The following ERCC4 variants were observed in gnomAD, a reference collection of about 807,000 sequenced individuals.
ERCC4 encodes the protein ERCC excision repair 4, endonuclease catalytic subunit.
A neutral mutation model predicts 76.9 loss-of-function variants in ERCC4; 65 were observed. The ratio of observed to expected loss-of-function variants is 0.84; its 90% CI spans 0.69 to 1.04. ERCC4 has a LOEUF of 1.04. Ranked by LOEUF, ERCC4 falls within the 50% of genes least tolerant of loss-of-function variation. The probability of loss-of-function intolerance (pLI) is 0.00; values close to 1 mark genes in which losing one functional copy is unlikely to be tolerated. For synonymous variants in ERCC4, 463 were observed against 410.1 expected (o/e 1.13, Z -1.56); for missense variants, 1,214 against 1,128.2 (o/e 1.08, Z -1.09).
chr16:13,933,191 G>T (rs1414736911), intron 6 of ERCC4: 1 of 205,268 alleles, frequency 4.9e-6, no homozygotes, highest in Non-Finnish European at 1.0e-5. Flanking sequence ...CTATACTCCA[G>T]CCTGGGTGAC....
rs781261543 is a variant in ERCC4 at position 13,948,355 on chromosome 16, T to C, written c.*8T>C. 1.1e-5 allele frequency: 17 copies of C among 1,607,312 alleles called. No homozygotes were observed. In the Admixed American group the frequency reaches 1.8e-4, roughly 17 times the overall value. ...GGAAAAGGGAAAAAGTGAACAGTGA[T>C]GGCTGTTTTCTTATCCCATGCCTGT... On this transcript the variant is annotated 3_prime_UTR_variant, in exon 11 of 11. Transcript: ENST00000311895.
rs3136214 is a variant in ERCC4 at position 13,946,381 on chromosome 16, A to G, written c.2018-1233A>G. ...TATGGCTCCTGGGCCACAAACCTGC[A>G]CAGCATGTTACTGTACTGAATACTC... On this transcript the variant is annotated intron_variant, in intron 10 of 10. Coordinates refer to ENST00000311895, the MANE Select transcript of ERCC4 (RefSeq NM_005236.3). Among the ~76,000 whole-genome samples the G allele has an allele frequency of 1.8e-3, 279 of 152,342 alleles. 8 individuals carry two copies. The East Asian group carries it at 0.045, about 24-fold the overall frequency.
At chr16:13,947,058 G>T (rs1008342247) in intron 10 of ERCC4, among the ~76,000 whole-genome samples, 2 of 152,126 alleles carry the variant, frequency 1.3e-5, no homozygotes, top group Non-Finnish European at 2.9e-5. Context: ...CACCGCGCCC[G>T]GCCCGAATCT....
Position 13,948,616 on chromosome 16 carries a change from A to G in ERCC4, c.*269A>G, listed in dbSNP as rs2141621975. On this transcript the variant is annotated 3_prime_UTR_variant, in exon 11 of 11. Coordinates refer to ENST00000311895, the MANE Select transcript of ERCC4 (RefSeq NM_005236.3). ...AAATGAGGTTTGTCAGGATCAGGTA[A>G]AGTTCCTACAAGTGATTACAGAAGG... The G allele has an allele frequency of 2.2e-6, 1 of 464,936 alleles. No individual in the cohort carries two copies. The highest frequency in any genetic ancestry group is 3.9e-6 in the Non-Finnish European group (1 of 255,300). 28.8% of individuals were successfully genotyped at this position (464,936 alleles called of 1,614,324 possible).
In ERCC4 at chr16:13,935,439, G is replaced by C; in HGVS notation, c.1507G>C (p.Glu503Gln). ...AACTCAAATGGTAGGAAAACCTGAA[G>C]AACTGGAAGAGGAAGGAGATGTCGA... ...TLTQMVGKPE[E>Q]LEEEGDVEEG... The change falls in exon 8 of 11, where the codon GAA becomes CAA. Residue 503 changes from glutamate (E) to glutamine (Q), a missense_variant. Glu to Gln is a conservative substitution (Grantham distance 29, BLOSUM62 2). Coordinates refer to ENST00000311895, the MANE Select transcript of ERCC4 (RefSeq NM_005236.3). 6.2e-7 allele frequency: 1 copy of C among 1,614,034 alleles called. No individual in the cohort carries two copies. The highest frequency in any genetic ancestry group is 8.5e-7 in the Non-Finnish European group (1 of 1,180,006).
chr16:13,924,472 C>T (rs997032565), intron 2 of ERCC4, among the ~76,000 whole-genome samples: 8 of 150,994 alleles, frequency 5.3e-5, no homozygotes, highest in African/African-American at 1.9e-4. Flanking sequence ...AGTGCTGTGC[C>T]TCCACTTTAT....
rs972348812 is a variant in ERCC4 at position 13,921,405 on chromosome 16, T to G, written c.208-626T>G. On this transcript the variant is annotated intron_variant, in intron 1 of 10. Transcript: ENST00000311895. ...GACAAGTCTGATGATCCCCTAGATATATCAGGTGGCCGGGAGAAAAATGTC... is the reference window on the plus strand; with the variant it reads ...GACAAGTCTGATGATCCCCTAGATAGATCAGGTGGCCGGGAGAAAAATGTC... Among the ~76,000 whole-genome samples, 4 of 152,124 alleles carry G rather than the reference T, an allele frequency of 2.6e-5. No individual in the cohort carries two copies. The South Asian group carries it at 8.3e-4, about 32-fold the overall frequency.
rs1442941243 is a variant in ERCC4 at position 13,928,003 on chromosome 16, T to G, written c.585-25T>G. 11 of 1,570,104 alleles carry G rather than the reference T, an allele frequency of 7.0e-6. No homozygotes were observed. In the South Asian group the frequency reaches 1.1e-4, roughly 16 times the overall value. ...CATAGCTGCTGAAACTCTAGAAAAT[T>G]GTTGAAAAATATTTGTCTCTTTAGG... is the stretch of plus-strand genomic sequence containing the variant. On this transcript the variant is annotated intron_variant, in intron 3 of 10. Coordinates refer to ENST00000311895, the MANE Select transcript of ERCC4 (RefSeq NM_005236.3).
chr16:13,930,531 G>A (rs1223853977), intron 4 of ERCC4, 179 bp from the exon 5 acceptor site: 4 of 583,908 alleles, frequency 6.9e-6, no homozygotes, highest in Admixed American at 6.3e-5. Flanking sequence ...AAATGTTCTA[G>A]CCACTTCCTT....
chr16:13,940,597 C>G (rs1001014692), intron 9 of ERCC4, among the ~76,000 whole-genome samples: 1 of 152,186 alleles, frequency 6.6e-6, no homozygotes, highest in Non-Finnish European at 1.5e-5. Context: ...CACATTTTTA[C>G]TGAGCTGAGT....
chr16:13,927,844 CA>C, intron 3 of ERCC4, 183 bp from the exon 4 acceptor site: 1 of 593,000 alleles, frequency 1.7e-6, no homozygotes, highest in Non-Finnish European at 3.0e-6. Context: ...CTGAATAATA[CA>C]CTGCTTCTAT....
intron 5 of ERCC4, 193 bp from the exon 6 acceptor site, chr16:13,931,963 CT>C (rs1234320898): frequency 2.2e-5 from 13 of 602,870 alleles, no homozygotes; most frequent in Non-Finnish European, 3.8e-5. Flanking sequence ...TTGGGGGCCC[CT>C]GGGAGTTCAC....
At chr16:13,928,266 T>G (rs751214491) in intron 4 of ERCC4, 31 bp downstream of exon 4, 5 of 1,415,384 alleles carry the variant, frequency 3.5e-6, no homozygotes, top group Middle Eastern at 2.1e-4. Context: ...CACAGTTTAT[T>G]ATGTTGTAAT....
At chr16:13,931,116 G>T (rs1039751406) in intron 5 of ERCC4, 2 of 534,052 alleles carry the variant, frequency 3.7e-6, no homozygotes, top group African/African-American at 3.8e-5. Context: ...ATCCGTTCCG[G>T]GCAATTTTAT....
intron 9 of ERCC4, among the ~76,000 whole-genome samples, chr16:13,941,842 TA>T (rs1428542656): frequency 1.3e-5 from 2 of 152,222 alleles, no homozygotes; most frequent in Non-Finnish European, 2.9e-5. Flanking sequence ...CATGAGGGCT[TA>T]AGTAAATGCC....
At chr16:13,934,458 A>AT in intron 7 of ERCC4, 156 bp downstream of exon 7, 1 of 648,952 alleles carries the variant, frequency 1.5e-6, no homozygotes, top group Non-Finnish European at 2.7e-6. Flanking sequence ...TAAAATGTAG[A>AT]CAAATAAATG....
At position 13,948,430 on chromosome 16, in the gene ERCC4, G is replaced by T. The variant is rs1163110186; in HGVS notation, c.*83G>T. ...CATCATAGGTCATTATTAATTATTGGTTTGCTATTTCATTCTTTTCCAATG... is the reference window on the plus strand; with the variant it reads ...CATCATAGGTCATTATTAATTATTGTTTTGCTATTTCATTCTTTTCCAATG... On this transcript the variant is annotated 3_prime_UTR_variant, in exon 11 of 11. Coordinates refer to ENST00000311895, the MANE Select transcript of ERCC4 (RefSeq NM_005236.3). 1.4e-6 allele frequency: 2 copies of T among 1,478,200 alleles called. No homozygotes were observed. The highest frequency in any genetic ancestry group is 2.8e-5 in the African/African-American group (2 of 72,260). 91.6% of individuals were successfully genotyped at this position (1,478,200 alleles called of 1,614,324 possible).
At chr16:13,942,478 G>A (rs1047058413) in intron 9 of ERCC4, among the ~76,000 whole-genome samples, 2 of 152,152 alleles carry the variant, frequency 1.3e-5, no homozygotes, top group Admixed American at 6.5e-5. Flanking sequence ...AGATTACCAC[G>A]TTATAAGAAA....
intron 9 of ERCC4, among the ~76,000 whole-genome samples, chr16:13,940,630 A>C (rs2032395387): frequency 6.6e-6 from 1 of 152,214 alleles, no homozygotes; most frequent in Non-Finnish European, 1.5e-5. Context: ...GAGTACCTCC[A>C]TGGCTGGCTA....
Sources: allele counts gnomAD v4.1 joint callset (sites outside exome capture counted in the v4.1 genomes callset), GRCh38; gene constraint gnomAD v4.1.1; transcripts MANE v1.5; gene names NCBI Gene and HGNC (gene_info 2026-07-23, HGNC 2026-07-21).